NUP214: variants seen among roughly 807,000 people sequenced by gnomAD.
The protein encoded by NUP214 is nucleoporin 214, also known as nuclear pore complex protein Nup214.
NUP214 carries 79 observed loss-of-function variants against 196.2 expected under a neutral mutation model. The observed-to-expected ratio is 0.40, with a 90% CI of 0.34 to 0.49. The LOEUF is 0.49. Ranked by LOEUF, NUP214 falls within the 20% of genes least tolerant of loss-of-function variation. NUP214 has a pLI of 0.58. For synonymous variants in NUP214, 1,020 were observed against 990.5 expected (o/e 1.03, Z -0.56); for missense variants, 2,468 against 2,539.0 (o/e 0.97, Z 0.60).
At chr9:131,135,494 C>T (rs1831698181) in intron 8 of NUP214, among the ~76,000 whole-genome samples, 1 of 152,146 alleles carries the variant, frequency 6.6e-6, no homozygotes, top group Non-Finnish European at 1.5e-5. Context: ...ATCTTAAATA[C>T]ATACTAATTT....
chr9:131,228,107 G>C lies in NUP214; in HGVS notation c.5903-53G>C, dbSNP rs532373411. On this transcript the variant is annotated intron_variant, in intron 32 of 35. Transcript: ENST00000359428. Reference sequence around the variant, plus strand: ...TCATTGCTCAATGTCTTCTCTTCCTGTCTCCTCCTTTCTTTCTCCCTATTT... The same window carrying C: ...TCATTGCTCAATGTCTTCTCTTCCTCTCTCCTCCTTTCTTTCTCCCTATTT... The C allele has an allele frequency of 5.1e-5, 75 of 1,468,592 alleles. 2 individuals carry two copies. The South Asian group carries it at 9.0e-4, about 18-fold the overall frequency. The allele number at this position is 1,468,592 out of a possible 1,614,324, so 91.0% of individuals were successfully genotyped here.
At chr9:131,202,266 C>T (rs1833960263) in intron 30 of NUP214, among the ~76,000 whole-genome samples, 1 of 152,156 alleles carries the variant, frequency 6.6e-6, no homozygotes, top group Non-Finnish European at 1.5e-5. Flanking sequence ...CAAGGGTTGA[C>T]AAACTTCAGT....
At position 131,146,651 on chromosome 9, in the gene NUP214, G is replaced by A. The variant is rs962697538; in HGVS notation, c.1945+347G>A. Among the ~76,000 whole-genome samples the A allele has an allele frequency of 3.9e-5, 6 of 152,118 alleles. No individual in the cohort carries two copies. Among genetic ancestry groups the A allele is most frequent in the African/African-American group, 9.7e-5 (4 of 41,428 alleles). ...AGCACAGGCACAAGAGTTGTTTGGCGGGGTGCGGTGGCTCACGCCTATAAA... is the reference window on the plus strand; with the variant it reads ...AGCACAGGCACAAGAGTTGTTTGGCAGGGTGCGGTGGCTCACGCCTATAAA... On this transcript the variant is annotated intron_variant, in intron 13 of 35. Coordinates refer to ENST00000359428, the MANE Select transcript of NUP214 (RefSeq NM_005085.4). This position sits in a 1 kb window ranked among gnomAD's most constrained non-coding sequence, Gnocchi z 4.6.
rs376659131 is a variant in NUP214 at position 131,130,781 on chromosome 9, A to G, written c.608A>G (p.Lys203Arg). 27 of 1,613,994 alleles carry G rather than the reference A, an allele frequency of 1.7e-5. No individual in the cohort carries two copies. The South Asian group carries it at 2.5e-4, about 15-fold the overall frequency. Residue 203 changes from lysine (K) to arginine (R), a missense_variant, in exon 5 of 36, where the codon AAA becomes AGA. By Grantham distance (26) the Lys-to-Arg change is conservative. Around this residue, in one of 5 missense-constraint regions of NUP214, gnomAD observed 392 missense variants for 417.9 expected, o/e 0.94. Coordinates refer to ENST00000359428, the MANE Select transcript of NUP214 (RefSeq NM_005085.4). ...VAVTSVCWSP[K>R]GKQLAVGKQN... ...CTTTGCTCAGTGTGCTGGAGCCCCA[A>G]AGGAAAGCAGCTGGCAGTGGGAAAA... is the stretch of plus-strand genomic sequence containing the variant.
chr9:131,208,675 C>T (rs1389259193), intron 30 of NUP214, among the ~76,000 whole-genome samples: 4 of 151,038 alleles, frequency 2.6e-5, no homozygotes, highest in South Asian at 2.1e-4. Context: ...CCAGCCTGGG[C>T]GACAGAGCGA....
chr9:131,150,842 G>A, intron 16 of NUP214, 77 bp downstream of exon 16: 1 of 1,382,536 alleles, frequency 7.2e-7, no homozygotes, highest in Non-Finnish European at 9.8e-7. Flanking sequence ...ATGGGGTTAT[G>A]TACTTTATTT....
Position 131,175,549 on chromosome 9 carries a change from T to A in NUP214, c.3247T>A (p.Ser1083Thr). 3 of 1,614,164 alleles carry A rather than the reference T, an allele frequency of 1.9e-6. No homozygotes were observed. Among genetic ancestry groups the A allele is most frequent in the Non-Finnish European group, 2.5e-6 (3 of 1,180,020 alleles). The change falls in exon 23 of 36, where the codon TCC becomes ACC. Residue 1083 changes from serine (S) to threonine (T), a missense_variant. Around this residue, in one of 5 missense-constraint regions of NUP214, gnomAD observed 1,801 missense variants for 1,779.4 expected, o/e 1.01. Coordinates refer to ENST00000359428, the MANE Select transcript of NUP214 (RefSeq NM_005085.4). ...CGTGAAACATGGTGCACCTAGTCCT[T>A]CCCACCCCATCTCAGCCCCGCAGGC... ...KTVKHGAPSP[S>T]HPISAPQAAA...
chr9:131,177,082 C>T (rs1330156195), intron 23 of NUP214, among the ~76,000 whole-genome samples: 1 of 152,078 alleles, frequency 6.6e-6, no homozygotes, highest in Non-Finnish European at 1.5e-5. Flanking sequence ...TTAGATGTAT[C>T]ACTGCTTACA....
chr9:131,198,689 T>C lies in NUP214; in HGVS notation c.5195T>C (p.Phe1732Ser), dbSNP rs768594476. Reference protein sequence around the residue: ...GQTTFGQASVFGQSASSAASV... With the variant: ...GQTTFGQASVSGQSASSAASV... ...ACAACCTTCGGGCAGGCCTCAGTCT[T>C]TGGGCAGTCGGCGAGCAGTGCTGCA... Residue 1732 changes from phenylalanine (F) to serine (S), a missense_variant, in exon 29 of 36, where the codon TTT becomes TCT. Physicochemically the swap from Phe to Ser is radical, Grantham distance 155. Coordinates refer to ENST00000359428, the MANE Select transcript of NUP214 (RefSeq NM_005085.4). 6.2e-7 allele frequency: 1 copy of C among 1,614,202 alleles called. No homozygotes were observed. The highest frequency in any genetic ancestry group is 8.5e-7 in the Non-Finnish European group (1 of 1,180,024).
At chr9:131,202,234 A>G (rs1028119858) in intron 30 of NUP214, among the ~76,000 whole-genome samples, 5 of 151,996 alleles carry the variant, frequency 3.3e-5, no homozygotes, top group South Asian at 2.1e-4. Flanking sequence ...CATGATTTCT[A>G]TCAGTCCCCT....
At chr9:131,157,076 G>GA (rs973516741) in intron 17 of NUP214, among the ~76,000 whole-genome samples, 9 of 151,756 alleles carry the variant, frequency 5.9e-5, no homozygotes, top group African/African-American at 2.2e-4. Context: ...GGGCCCAGGT[G>GA]ATCCTCCTAA....
rs1031687031 is a variant in NUP214 at position 131,133,087 on chromosome 9, A to G, written c.728-19A>G. ...TTGCTGTCATTTTTATGAGCTACTG[A>G]TTAAGATGTGTCTTTCAGTTCTGGA... On this transcript the variant is annotated intron_variant, in intron 6 of 35. Coordinates refer to ENST00000359428, the MANE Select transcript of NUP214 (RefSeq NM_005085.4). The G allele has an allele frequency of 1.3e-6, 2 of 1,580,018 alleles. No homozygotes were observed. Among genetic ancestry groups the G allele is most frequent in the African/African-American group, 1.4e-5 (1 of 74,072 alleles).
intron 28 of NUP214, 129 bp from the exon 29 acceptor site, chr9:131,197,087 G>C: frequency 7.7e-7 from 1 of 1,292,990 alleles, no homozygotes; most frequent in South Asian, 1.5e-5. Context: ...GAAAGCTGCT[G>C]TGAGAACAAG....
intron 28 of NUP214, 151 bp downstream of exon 28, chr9:131,195,445 T>C: frequency 5.6e-6 from 3 of 531,714 alleles, no homozygotes; most frequent in Non-Finnish European, 1.0e-5. Context: ...ATTAGAAATA[T>C]GCTTAATTTA....
At chr9:131,153,810 G>A (rs1454171225) in intron 17 of NUP214, among the ~76,000 whole-genome samples, 1 of 152,102 alleles carries the variant, frequency 6.6e-6, no homozygotes, top group African/African-American at 2.4e-5. Context: ...GTACTCAAGA[G>A]TCTGGTTTAC....
rs1376652542 is a variant in NUP214 at position 131,129,218 on chromosome 9, TA to T, written c.394-58del. On this transcript the variant is annotated intron_variant, in intron 3 of 35. Coordinates refer to ENST00000359428, the MANE Select transcript of NUP214 (RefSeq NM_005085.4). ...GTATTCAGTAATTTCCATTGAATAT[TA>T]AATGTTTCTGCATTTACTATTTGTT... The T allele has an allele frequency of 1.2e-5, 17 of 1,373,934 alleles. No individual in the cohort carries two copies. In the South Asian group the frequency reaches 1.7e-4, roughly 14 times the overall value. 85.1% of individuals were successfully genotyped at this position (1,373,934 alleles called of 1,614,324 possible).
chr9:131,132,867 C>G, intron 6 of NUP214: 2 of 618,266 alleles, frequency 3.2e-6, no homozygotes, highest in Non-Finnish European at 5.7e-6. Context: ...TGAAATGGAT[C>G]CCGACTTTTT....
Position 131,135,932 on chromosome 9 carries a change from T to C in NUP214, c.939-8T>C, listed in dbSNP as rs753311875. 7 of 1,612,496 alleles carry C rather than the reference T, an allele frequency of 4.3e-6. No individual in the cohort carries two copies. Among genetic ancestry groups the C allele is most frequent in the Non-Finnish European group, 5.9e-6 (7 of 1,178,794 alleles). On this transcript the variant is annotated splice_region_variant and splice_polypyrimidine_tract_variant and intron_variant, in intron 8 of 35. Coordinates refer to ENST00000359428, the MANE Select transcript of NUP214 (RefSeq NM_005085.4). ...TGAACGTAATGGTCTCTGGTTTTAT[T>C]CTTTAAGGGATTTAGTGCTGGCAGC... is the stretch of plus-strand genomic sequence containing the variant.
chr9:131,229,443 C>T (rs936164560), intron 33 of NUP214: 9 of 310,308 alleles, frequency 2.9e-5, no homozygotes, highest in Non-Finnish European at 4.4e-5. Context: ...GATGAACCAG[C>T]ACACAGTACC....
Sources: gnomAD v4.1 joint callset for allele counts (sites outside exome capture counted in the v4.1 genomes callset) on GRCh38, gnomAD v4.1.1 for gene constraint, gnomAD v4.1.1 regional missense constraint, Gnocchi (gnomAD v3.1) non-coding constraint, MANE v1.5 for transcripts, NCBI Gene and HGNC (gene_info 2026-07-23, HGNC 2026-07-21) for gene names.